The following ADAP1 variants were observed in gnomAD, a reference collection of about 807,000 sequenced individuals.
ADAP1 encodes arf-GAP with dual PH domain-containing protein 1.
ADAP1 carries 31 observed loss-of-function variants against 54.9 expected under a neutral mutation model. The ratio of observed to expected loss-of-function variants is 0.56; its 90% CI spans 0.42 to 0.76. The LOEUF is 0.76. Ranked by LOEUF, ADAP1 falls within the 30% of genes least tolerant of loss-of-function variation. ADAP1 has a pLI of 0.00. For missense variants in ADAP1, 535 were observed against 512.4 expected, an observed-to-expected ratio of 1.04 and a Z score of -0.42; for synonymous variants, 313 against 202.6, an observed-to-expected ratio of 1.55 and a Z score of -4.63.
intron 5 of ADAP1, 78 bp downstream of exon 5, chr7:904,982 G>A (rs1181941397): frequency 1.5e-6 from 2 of 1,295,698 alleles, no homozygotes; most frequent in African/African-American, 1.5e-5. Flanking sequence ...GATGGACGCG[G>A]CCACCACAGG....
intron 2 of ADAP1, chr7:935,069 A>C: frequency 7.6e-6 from 4 of 525,332 alleles, no homozygotes; most frequent in East Asian, 5.1e-5. Context: ...AGGTGTGGGG[A>C]TTTGAGGGGA....
intron 4 of ADAP1, among the ~76,000 whole-genome samples, chr7:913,039 C>T (rs1348732444): frequency 6.6e-6 from 1 of 151,562 alleles, no homozygotes; most frequent in African/African-American, 2.4e-5. Flanking sequence ...GAGACGGAGT[C>T]TCCCCACGTT....
intron 4 of ADAP1, among the ~76,000 whole-genome samples, chr7:917,919 C>T (rs1393830849): frequency 2.0e-5 from 3 of 152,072 alleles, no homozygotes; most frequent in Non-Finnish European, 2.9e-5. Context: ...CACAGATGTG[C>T]GCCAACCACG....
intron 4 of ADAP1, among the ~76,000 whole-genome samples, chr7:919,005 G>A (rs989690269): frequency 7.9e-5 from 12 of 152,060 alleles, no homozygotes; most frequent in African/African-American, 2.9e-4. Flanking sequence ...GACCGAGGCT[G>A]GGGTGGGGAG....
chr7:935,184 G>GT, intron 2 of ADAP1, 191 bp downstream of exon 2: 1 of 799,228 alleles, frequency 1.3e-6, no homozygotes, highest in Non-Finnish European at 2.1e-6. Context: ...CCGGCACGGG[G>GT]TGGGTGGAGC....
chr7:903,262 G>A (rs1250944952), intron 6 of ADAP1, among the ~76,000 whole-genome samples: 1 of 152,142 alleles, frequency 6.6e-6, no homozygotes, highest in Non-Finnish European at 1.5e-5. Flanking sequence ...ACAAACCCAG[G>A]GTCAGATGCC....
In ADAP1 at chr7:920,057, G is replaced by A. The variant is rs1319303668; in HGVS notation, c.306-7C>T. The A allele has an allele frequency of 5.6e-6, 9 of 1,604,330 alleles. No individual in the cohort carries two copies. The highest frequency in any genetic ancestry group is 7.6e-6 in the Non-Finnish European group (9 of 1,179,226). On this transcript the variant is annotated splice_region_variant and splice_polypyrimidine_tract_variant and intron_variant, in intron 3 of 10. Transcript: ENST00000265846. This position sits in a 1 kb window ranked among gnomAD's most constrained non-coding sequence, Gnocchi z 4.5. ...CCACTGCTCTCGAAGGAGCCTGTGG[G>A]GAGAGGAGAGACTGAGCCACTGGGC...
At position 946,510 on chromosome 7, in the gene ADAP1, A is replaced by G. The variant is rs1449397011; in HGVS notation, c.82+7886T>C. Among the ~76,000 whole-genome samples, 1 of 152,124 alleles carries G rather than the reference A, an allele frequency of 6.6e-6. No homozygotes were observed. Among genetic ancestry groups the G allele is most frequent in the East Asian group, 1.9e-4 (1 of 5,184 alleles). ...ATCCCTCCCAGCAGCACCCGGACAC[A>G]GTCCATTTTCAGAATCCCCCAAGGA... On this transcript the variant is annotated intron_variant, in intron 1 of 10. Transcript: ENST00000265846. The surrounding 1 kb of genome is among the most constrained non-coding windows in gnomAD (Gnocchi z 4.3).
At position 926,717 on chromosome 7, in the gene ADAP1, GGGC is replaced by G; in HGVS notation, c.214-76_214-74del. The stretch of plus-strand genomic sequence containing the variant: ...GCCTAGGAGGTGCCAGCTGCCCTTG[GGGC>G]CGTCACCACAGTGACCCGCAGACCC... On this transcript the variant is annotated intron_variant, in intron 2 of 10. Transcript: ENST00000265846. This position sits in a 1 kb window ranked among gnomAD's most constrained non-coding sequence, Gnocchi z 4.6. 7.9e-7 allele frequency: 1 copy of G among 1,272,210 alleles called. No individual in the cohort carries two copies. 78.8% of individuals were successfully genotyped at this position (1,272,210 alleles called of 1,614,324 possible).
chr7:904,329 G>T, intron 5 of ADAP1, 57 bp from the exon 6 acceptor site: 9 of 1,518,578 alleles, frequency 5.9e-6, no homozygotes, highest in Non-Finnish European at 8.0e-6. Flanking sequence ...GCTCAAGGGA[G>T]CAGGAAGGGC....
chr7:899,511 G>A (rs772232809), intron 8 of ADAP1, 21 bp from the exon 9 acceptor site: 32 of 1,610,206 alleles, frequency 2.0e-5, no homozygotes, highest in South Asian at 5.5e-5. Context: ...GAGAGGGCCC[G>A]TGACCGGCAG....
rs145343022 is a variant in ADAP1 at position 907,224 on chromosome 7, G to A, written c.389-2052C>T. Among the ~76,000 whole-genome samples, 625 of 152,296 alleles carry A rather than the reference G, an allele frequency of 4.1e-3. 1 individual carries two copies. The highest frequency in any genetic ancestry group is 5.5e-3 in the Non-Finnish European group (375 of 68,012). On this transcript the variant is annotated intron_variant, in intron 4 of 10. Coordinates refer to ENST00000265846, the MANE Select transcript of ADAP1 (RefSeq NM_006869.4). The stretch of plus-strand genomic sequence containing the variant: ...CCCGGGCATCCCCCTGGGAGCCTAA[G>A]CACCTGGACACGCCACCTTCTATGG...
In ADAP1 at chr7:898,862, CG is replaced by C. The variant is rs913455990; in HGVS notation, c.*58del. On this transcript the variant is annotated 3_prime_UTR_variant, in exon 11 of 11. Transcript: ENST00000265846. The stretch of plus-strand genomic sequence containing the variant: ...CAGGACGCCAGAGCCCCCCCATCCA[CG>C]GGTCCCCTCCGTCCAGCCACAGTGA... 1 of 1,557,466 alleles carries C rather than the reference CG, an allele frequency of 6.4e-7. No individual in the cohort carries two copies. The highest frequency in any genetic ancestry group is 1.4e-5 in the African/African-American group (1 of 73,408).
intron 2 of ADAP1, among the ~76,000 whole-genome samples, chr7:928,814 A>T (rs752906284): frequency 6.6e-6 from 1 of 152,234 alleles, no homozygotes; most frequent in Non-Finnish European, 1.5e-5. Flanking sequence ...GTAAACACAG[A>T]GTTACCATAG....
At chr7:940,394 T>C (rs1315937725) in intron 1 of ADAP1, among the ~76,000 whole-genome samples, 1 of 151,466 alleles carries the variant, frequency 6.6e-6, no homozygotes, top group Non-Finnish European at 1.5e-5. Context: ...CATGACCTTT[T>C]ACATAAGAAT....
intron 3 of ADAP1, among the ~76,000 whole-genome samples, chr7:922,038 G>A (rs939507251): frequency 2.0e-5 from 3 of 152,202 alleles, no homozygotes; most frequent in Admixed American, 6.5e-5. Context: ...GCACCAGGAA[G>A]TCGGGGGCTG....
chr7:921,721 C>T (rs991148769), intron 3 of ADAP1, among the ~76,000 whole-genome samples: 7 of 152,216 alleles, frequency 4.6e-5, no homozygotes, highest in Non-Finnish European at 1.0e-4. Flanking sequence ...TGTGTGACCA[C>T]GGAGGAGTTG....
chr7:928,425 C>G (rs554876378), intron 2 of ADAP1, among the ~76,000 whole-genome samples: 1 of 152,254 alleles, frequency 6.6e-6, no homozygotes, highest in Admixed American at 6.5e-5. Context: ...TTTAAAATTA[C>G]TTTTACATGC....
intron 3 of ADAP1, among the ~76,000 whole-genome samples, chr7:921,738 A>C (rs1846199522): frequency 6.6e-6 from 1 of 152,186 alleles, no homozygotes; most frequent in Admixed American, 6.5e-5. Context: ...GTTGCCCCCT[A>C]GCACCCAGCG....
Sources: allele counts gnomAD v4.1 joint callset (sites outside exome capture counted in the v4.1 genomes callset), GRCh38; gene constraint gnomAD v4.1.1; non-coding constraint Gnocchi (gnomAD v3.1); transcripts MANE v1.5; gene names NCBI Gene and HGNC (gene_info 2026-07-23, HGNC 2026-07-21).